FUT8: variants seen among roughly 807,000 people sequenced by gnomAD.
FUT8 encodes the protein alpha-(1,6)-fucosyltransferase.
Under a neutral mutation model 71.3 loss-of-function variants are expected in FUT8, and 29 were observed. The ratio of observed to expected loss-of-function variants is 0.41; its 90% confidence interval spans 0.30 to 0.55. The LOEUF is 0.55. FUT8 is among the 20% of genes least tolerant of loss of function. FUT8 has a pLI of 0.34. For missense variants in FUT8, 544 were observed against 702.1 expected, an observed-to-expected ratio of 0.77 and a Z score of 2.55; for synonymous variants, 254 against 239.3, an observed-to-expected ratio of 1.06 and a Z score of -0.57.
intron 2 of FUT8, among the ~76,000 whole-genome samples, chr14:65,464,259 G>GTT (rs3084724): frequency 0.48 from 56,043 of 116,266 alleles, 14,247 homozygotes; most frequent in East Asian, 0.55. Context: ...AGTACTTTGG[G>GTT]TTTTTTTTTT....
At chr14:65,586,964 G>A (rs1483095892) in intron 3 of FUT8, among the ~76,000 whole-genome samples, 3 of 152,024 alleles carry the variant, frequency 2.0e-5, no homozygotes, top group Non-Finnish European at 4.4e-5. Context: ...CGAGGCGGGT[G>A]GATCACGAGG....
At chr14:65,697,171 A>C (rs1418530142) in intron 7 of FUT8, among the ~76,000 whole-genome samples, 1 of 152,212 alleles carries the variant, frequency 6.6e-6, no homozygotes, top group East Asian at 1.9e-4. Context: ...GGCTGTTAGT[A>C]TGAGGTTTTG....
intron 6 of FUT8, among the ~76,000 whole-genome samples, chr14:65,663,824 AG>A (rs1892084259): frequency 6.6e-6 from 1 of 152,114 alleles, no homozygotes. Context: ...TCAAAGCTTT[AG>A]GTTCTAGTCA....
intron 1 of FUT8, among the ~76,000 whole-genome samples, chr14:65,416,027 C>T (rs1172424693): frequency 6.6e-6 from 1 of 152,074 alleles, no homozygotes; most frequent in Non-Finnish European, 1.5e-5. Context: ...TGTTTATTAT[C>T]CATAGCTCTT....
intron 6 of FUT8, among the ~76,000 whole-genome samples, chr14:65,667,775 A>C (rs1193300788): frequency 6.6e-6 from 1 of 152,172 alleles, no homozygotes; most frequent in Non-Finnish European, 1.5e-5. Flanking sequence ...TTCAAACTAT[A>C]CTGCAAGGCT....
At chr14:65,601,331 A>G (rs557438499) in intron 3 of FUT8, among the ~76,000 whole-genome samples, 3 of 152,298 alleles carry the variant, frequency 2.0e-5, no homozygotes, top group African/African-American at 4.8e-5. Flanking sequence ...TTGAATAAAT[A>G]CAATTATTTG....
rs538899187 is a variant in FUT8, at chr14:65,483,721, A to AT, written c.-228+28015dup. Among the ~76,000 whole-genome samples, 4,497 of 146,812 alleles carry AT rather than the reference A, an allele frequency of 0.031. 198 individuals are homozygous for AT. The highest frequency in any genetic ancestry group is 0.099 in the African/African-American group (4,013 of 40,424). ...TTATAAATATTTAAATAACATATCA[A>AT]TTTTTTTTTTTTGAGACAGAGTTAT... On this transcript the variant is annotated intron_variant, in intron 2 of 10. Transcript: ENST00000673929. This position sits in a 1 kb window ranked among gnomAD's most constrained non-coding sequence, Gnocchi z 4.4.
chr14:65,525,052 T>C (rs1422256946), intron 2 of FUT8, among the ~76,000 whole-genome samples: 11 of 152,218 alleles, frequency 7.2e-5, no homozygotes, highest in Non-Finnish European at 1.5e-4. Flanking sequence ...TGCCAGGCTT[T>C]GGTATCAGGA....
At chr14:65,667,019 A>G (rs549527296) in intron 6 of FUT8, among the ~76,000 whole-genome samples, 10 of 152,220 alleles carry the variant, frequency 6.6e-5, no homozygotes, top group Non-Finnish European at 1.3e-4. Flanking sequence ...GAACATACCT[A>G]TAAATAGTAA....
chr14:65,617,907 G>A (rs1350656452), intron 5 of FUT8, among the ~76,000 whole-genome samples: 1 of 151,374 alleles, frequency 6.6e-6, no homozygotes, highest in Admixed American at 6.6e-5. Flanking sequence ...TCATGCCACT[G>A]TACTCCAGCC....
chr14:65,615,982 C>G lies in FUT8; in HGVS notation c.208C>G (p.Pro70Ala). 6.2e-7 allele frequency: 1 copy of G among 1,608,290 alleles called. No individual in the cohort carries two copies. The highest frequency in any genetic ancestry group is 1.1e-5 in the South Asian group (1 of 90,466). Residue 70 changes from proline to alanine, a missense_variant, in exon 4 of 11, where the codon CCA becomes GCA. Physicochemically the swap from Pro to Ala is conservative, Grantham distance 27 (BLOSUM62 -1). Coordinates refer to ENST00000673929, the MANE Select transcript of FUT8 (RefSeq NM_001371533.1). The part of the protein sequence containing the change: ...LRRMAESLRI[P>A]EGPIDQGPAI... ...ATTATCTTCCCTAAACTACAGGATA[C>G]CAGAAGGCCCTATTGATCAGGGGCC...
intron 10 of FUT8, among the ~76,000 whole-genome samples, chr14:65,737,380 G>A (rs543908491): frequency 9.9e-5 from 15 of 152,030 alleles, no homozygotes; most frequent in East Asian, 3.9e-4. Flanking sequence ...TTTCAAGTAC[G>A]TCAAGTGAAT....
At chr14:65,364,360 T>C in the FUT8 span, among the ~76,000 whole-genome samples, 1 of 152,088 alleles carries the variant, frequency 6.6e-6, no homozygotes, top group African/African-American at 2.4e-5. Context: ...CCCGCCACCA[T>C]GCCCAGCTAA....
the FUT8 span, among the ~76,000 whole-genome samples, chr14:65,380,425 G>T: frequency 6.6e-6 from 1 of 152,138 alleles, no homozygotes; most frequent in Non-Finnish European, 1.5e-5. Context: ...TAAAACCATA[G>T]TAGAAGGTTA....
At chr14:65,557,868 T>G (rs1264557567) in intron 2 of FUT8, among the ~76,000 whole-genome samples, 1 of 152,178 alleles carries the variant, frequency 6.6e-6, no homozygotes, top group African/African-American at 2.4e-5. Context: ...TTTTTAAATA[T>G]TTTTACGAAT....
intron 7 of FUT8, among the ~76,000 whole-genome samples, chr14:65,717,400 T>C: frequency 7.6e-6 from 1 of 132,098 alleles, no homozygotes; most frequent in African/African-American, 3.0e-5. Context: ...TCTCCTCACC[T>C]CCCAGATGGG....
chr14:65,631,232 A>T (rs1041651358), intron 6 of FUT8, among the ~76,000 whole-genome samples: 1 of 152,204 alleles, frequency 6.6e-6, no homozygotes, highest in Non-Finnish European at 1.5e-5. Context: ...AAATGGAAAT[A>T]ACTGTGGTTT....
rs945603632 is a variant in FUT8 at position 65,535,398 on chromosome 14, G to A, written c.-227-25939G>A. Among the ~76,000 whole-genome samples the A allele has an allele frequency of 2.6e-5, 4 of 152,144 alleles. No homozygotes were observed. In the South Asian group the frequency reaches 8.3e-4, roughly 31 times the overall value. On this transcript the variant is annotated intron_variant, in intron 2 of 10. Transcript: ENST00000673929. Reference sequence around the variant, plus strand: ...TTACAGGTGTGAGGCACTGTGCCCAGCTCTTTCTAACTTTTTGATGAGAGT... The same window carrying A: ...TTACAGGTGTGAGGCACTGTGCCCAACTCTTTCTAACTTTTTGATGAGAGT...
At chr14:65,634,549 A>G (rs532837422) in intron 6 of FUT8, among the ~76,000 whole-genome samples, 2 of 143,022 alleles carry the variant, frequency 1.4e-5, no homozygotes, top group South Asian at 4.9e-4. Context: ...GAAACACCCA[A>G]GAATGATCAA....
Sources: allele counts gnomAD v4.1 joint callset (sites outside exome capture counted in the v4.1 genomes callset), GRCh38; gene constraint gnomAD v4.1.1; non-coding constraint Gnocchi (gnomAD v3.1); transcripts MANE v1.5; gene names NCBI Gene and HGNC (gene_info 2026-07-23, HGNC 2026-07-21).